Variants in PRDM5 observed in about 807,000 individuals in gnomAD.
PRDM5 encodes the protein PR/SET domain 5, also known as PR domain zinc finger protein 5.
In PRDM5, 56 loss-of-function variants were observed where a neutral mutation model predicts 81.2. That is an observed-to-expected ratio of 0.69 (90% confidence interval 0.56 to 0.86). The LOEUF is 0.86. Among genes scored for constraint, PRDM5 ranks in the 40% least tolerant of loss-of-function variants. The pLI is 0.00. For synonymous variants in PRDM5, 267 were observed against 256.4 expected, an observed-to-expected ratio of 1.04 and a Z score of -0.39; for missense variants, 697 against 770.1, an observed-to-expected ratio of 0.91 and a Z score of 1.12.
Position 120,777,875 on chromosome 4 carries a change from G to A in PRDM5, c.1444-594C>T, listed in dbSNP as rs563536183. The stretch of plus-strand genomic sequence containing the variant: ...ATCTAGGCATAAACAATCACATGAG[G>A]AAAGGTGAATAAGTATAGTTAAAAG... On this transcript the variant is annotated intron_variant, in intron 12 of 15. Coordinates refer to ENST00000264808, the MANE Select transcript of PRDM5 (RefSeq NM_018699.4). 2.0e-5 allele frequency among the ~76,000 whole-genome samples: 3 copies of A among 152,180 alleles called. No individual in the cohort carries two copies. In the South Asian group the frequency reaches 6.2e-4, roughly 32 times the overall value.
intron 1 of PRDM5, among the ~76,000 whole-genome samples, chr4:120,686,454 C>T (rs11941671): frequency 0.074 from 11,289 of 152,088 alleles, 874 homozygotes; most frequent in African/African-American, 0.17. Flanking sequence ...ATATTTCGTG[C>T]TTCTAACTGA....
chr4:120,854,233 T>C (rs1325605668), intron 2 of PRDM5, among the ~76,000 whole-genome samples: 1 of 152,156 alleles, frequency 6.6e-6, no homozygotes, highest in Non-Finnish European at 1.5e-5. Context: ...AGGTAACCCA[T>C]TGGACATTCT....
At chr4:120,711,749 A>T (rs1243460781) in intron 14 of PRDM5, among the ~76,000 whole-genome samples, 1 of 152,170 alleles carries the variant, frequency 6.6e-6, no homozygotes, top group African/African-American at 2.4e-5. Flanking sequence ...GAAGAGAAAA[A>T]ATAATTTAGA....
intron 13 of PRDM5, among the ~76,000 whole-genome samples, chr4:120,761,650 T>C (rs958847280): frequency 1.3e-5 from 2 of 152,194 alleles, no homozygotes; most frequent in African/African-American, 2.4e-5. Flanking sequence ...CATCTACTAC[T>C]ATGTAACCAC....
At chr4:120,807,780 G>T (rs530118141) in intron 8 of PRDM5, among the ~76,000 whole-genome samples, 1 of 151,922 alleles carries the variant, frequency 6.6e-6, no homozygotes, top group African/African-American at 2.4e-5. Flanking sequence ...GGCTTCAGGA[G>T]TGAAGCTGCA....
At chr4:120,874,861 T>A (rs565693117) in intron 2 of PRDM5, among the ~76,000 whole-genome samples, 1 of 152,324 alleles carries the variant, frequency 6.6e-6, no homozygotes, top group South Asian at 2.1e-4. Flanking sequence ...AGGAAGTATA[T>A]GTGTGTCCTA....
At chr4:120,686,701 C>T (rs1293078319) in intron 1 of PRDM5, among the ~76,000 whole-genome samples, 1 of 152,002 alleles carries the variant, frequency 6.6e-6, no homozygotes, top group African/African-American at 2.4e-5. Context: ...ACACTCATCT[C>T]AAATTCAAAG....
At chr4:120,839,070 A>T (rs1757691067) in intron 3 of PRDM5, 1 of 580,246 alleles carries the variant, frequency 1.7e-6, no homozygotes, top group African/African-American at 1.9e-5. Context: ...GGCATCCAGA[A>T]GCTCGGAGAC....
At position 120,777,261 on chromosome 4, in the gene PRDM5, C is replaced by T. The variant is rs1373631193; in HGVS notation, c.1464G>A (p.Glu488=). ...TCTGGCCACAATATGGACAGATTTT[C>T]TCCTTTTCTCCTGTATGTGTCTAAA... The part of the protein sequence containing the change: ...SHKKTHTGEK[E]KICPYCGQKF... The change falls in exon 13 of 16, where the codon GAG becomes GAA. Residue 488 remains glutamate, a synonymous_variant. Coordinates refer to ENST00000264808, the MANE Select transcript of PRDM5 (RefSeq NM_018699.4). 1 of 1,613,382 alleles carries T rather than the reference C, an allele frequency of 6.2e-7. No individual in the cohort carries two copies. Among genetic ancestry groups the T allele is most frequent in the East Asian group, 2.2e-5 (1 of 44,836 alleles).
intron 13 of PRDM5, among the ~76,000 whole-genome samples, chr4:120,763,090 T>A (rs915993839): frequency 6.6e-6 from 1 of 152,174 alleles, no homozygotes; most frequent in African/African-American, 2.4e-5. Context: ...CGATGCTTTA[T>A]TTTCCTTAAG....
At chr4:120,745,649 G>C (rs1487334677) in intron 14 of PRDM5, among the ~76,000 whole-genome samples, 11 of 135,726 alleles carry the variant, frequency 8.1e-5, no homozygotes, top group Admixed American at 4.4e-4. Context: ...CAGACAAACA[G>C]AGAGCCAAAT....
intron 2 of PRDM5, among the ~76,000 whole-genome samples, chr4:120,882,099 C>T (rs2667175): frequency 0.24 from 37,171 of 152,130 alleles, 5,131 homozygotes; most frequent in African/African-American, 0.36. Context: ...GGGTCCTAAG[C>T]AAGCCAGGCC....
intron 14 of PRDM5, among the ~76,000 whole-genome samples, chr4:120,743,967 C>A (rs1742549679): frequency 6.6e-6 from 1 of 152,054 alleles, no homozygotes. Flanking sequence ...CCCAAATCAA[C>A]AGAATATACA....
At chr4:120,920,891 T>G (rs1400787631) in intron 1 of PRDM5, among the ~76,000 whole-genome samples, 1 of 152,178 alleles carries the variant, frequency 6.6e-6, no homozygotes, top group Non-Finnish European at 1.5e-5. Context: ...TTGGAAGCTG[T>G]TCATTTCATT....
intron 13 of PRDM5, among the ~76,000 whole-genome samples, chr4:120,761,106 G>A (rs556365061): frequency 2.6e-5 from 4 of 152,094 alleles, no homozygotes; most frequent in African/African-American, 4.8e-5. Flanking sequence ...TAACTTACTC[G>A]GCTTGAAGTA....
chr4:120,709,457 G>A (rs1024552741), intron 15 of PRDM5, among the ~76,000 whole-genome samples: 9 of 152,108 alleles, frequency 5.9e-5, no homozygotes, highest in Non-Finnish European at 1.0e-4. Context: ...CCTTACCACT[G>A]AAGTTTCATG....
At chr4:120,715,307 T>C (rs1025680851) in intron 14 of PRDM5, among the ~76,000 whole-genome samples, 2 of 152,188 alleles carry the variant, frequency 1.3e-5, no homozygotes, top group South Asian at 2.1e-4. Context: ...GTGCTCCTTA[T>C]AGGGCCTTTT....
intron 2 of PRDM5, among the ~76,000 whole-genome samples, chr4:120,878,179 C>T (rs548863798): frequency 6.6e-6 from 1 of 152,210 alleles, no homozygotes; most frequent in East Asian, 1.9e-4. Flanking sequence ...ATTCTTACAC[C>T]TATGACCTTT....
intron 15 of PRDM5, 123 bp from the exon 16 acceptor site, chr4:120,695,398 G>T: frequency 1.8e-6 from 2 of 1,092,620 alleles, no homozygotes; most frequent in Non-Finnish European, 2.7e-6. Context: ...GGTGTCCTTT[G>T]TACCCGAGTC....
Sources: allele counts gnomAD v4.1 joint callset (sites outside exome capture counted in the v4.1 genomes callset), GRCh38; gene constraint gnomAD v4.1.1; transcripts MANE v1.5; gene names NCBI Gene and HGNC (gene_info 2026-07-23, HGNC 2026-07-21).